The following ATP2B2 variants were observed in gnomAD, a reference collection of about 807,000 sequenced individuals.
The protein encoded by ATP2B2 is plasma membrane calcium-transporting ATPase 2.
A neutral mutation model predicts 120.0 loss-of-function variants in ATP2B2; 15 were observed. That is an observed-to-expected ratio of 0.12 (90% CI 0.08 to 0.19). The LOEUF (loss-of-function observed/expected upper bound fraction) is 0.19, where lower values mean the gene tolerates loss of function less well. ATP2B2 is among the 10% of genes least tolerant of loss of function. The pLI, the probability that ATP2B2 is intolerant of heterozygous loss-of-function variation, is 1.00. For missense variants in ATP2B2, 1,045 were observed against 1,719.8 expected, an observed-to-expected ratio of 0.61 and a Z score of 6.94; for synonymous variants, 694 against 700.3, an observed-to-expected ratio of 0.99 and a Z score of 0.14.
At chr3:10,603,593 G>C (rs528869221) in intron 2 of ATP2B2, among the ~76,000 whole-genome samples, 4 of 152,272 alleles carry the variant, frequency 2.6e-5, no homozygotes, top group African/African-American at 9.6e-5. Context: ...TGATAACAGA[G>C]TTCAGACTTA....
At chr3:10,597,045 G>A (rs527943390) in intron 2 of ATP2B2, among the ~76,000 whole-genome samples, 8 of 119,936 alleles carry the variant, frequency 6.7e-5, no homozygotes, top group Admixed American at 6.2e-4. Flanking sequence ...ACACACACAG[G>A]TGCGCACACA....
intron 2 of ATP2B2, among the ~76,000 whole-genome samples, chr3:10,443,505 G>A (rs2063736023): frequency 1.3e-5 from 2 of 152,180 alleles, no homozygotes; most frequent in South Asian, 2.1e-4. Flanking sequence ...TATGAGGAAA[G>A]GCCTGGCTGC....
chr3:10,707,193 A>T (rs1471561173), intron 1 of ATP2B2, among the ~76,000 whole-genome samples: 2 of 152,116 alleles, frequency 1.3e-5, no homozygotes, highest in Admixed American at 6.5e-5. Flanking sequence ...CTGAAAAATC[A>T]CGCTGTGGAT....
chr3:10,338,243 T>A lies in ATP2B2; in HGVS notation c.3353A>T (p.His1118Leu), dbSNP rs1247509549. The change falls in exon 22 of 23, where the codon CAC (histidine) becomes CTC (leucine). Residue 1118 changes from histidine to leucine, a missense_variant. Physicochemically the swap from His to Leu is moderately conservative, Grantham distance 99 (BLOSUM62 -3). This residue lies in a region of ATP2B2 where 211 missense variants were observed against 385.1 expected (regional missense o/e 0.55). Transcript: ENST00000360273. The part of the protein sequence containing the change: ...ELNEDVEEID[H>L]AERELRRGQI... ...GCCCCGCCGCAGCTCCCGCTCCGCGTGGTCGATCTCCTCCACGTCCTCGTT... is the reference window on the plus strand; with the variant it reads ...GCCCCGCCGCAGCTCCCGCTCCGCGAGGTCGATCTCCTCCACGTCCTCGTT... 1.2e-6 allele frequency: 2 copies of A among 1,614,186 alleles called. No individual in the cohort carries two copies. The highest frequency in any genetic ancestry group is 1.7e-6 in the Non-Finnish European group (2 of 1,180,032).
intron 11 of ATP2B2, among the ~76,000 whole-genome samples, chr3:10,373,170 C>T (rs1160355190): frequency 6.6e-6 from 1 of 152,162 alleles, no homozygotes; most frequent in Non-Finnish European, 1.5e-5. Context: ...GTTTGCAAAG[C>T]CTTGTTGTGA....
intron 1 of ATP2B2, among the ~76,000 whole-genome samples, chr3:10,699,685 T>C (rs1376703142): frequency 6.6e-6 from 1 of 152,176 alleles, no homozygotes; most frequent in Admixed American, 6.5e-5. Context: ...AATGCAACAG[T>C]GTTGAAAGGT....
At chr3:10,406,092 G>C (rs1299792992) in intron 3 of ATP2B2, among the ~76,000 whole-genome samples, 2 of 152,214 alleles carry the variant, frequency 1.3e-5, no homozygotes, top group Non-Finnish European at 2.9e-5. Flanking sequence ...TCTCAGTGAT[G>C]AGTATGAGAT....
At chr3:10,337,539 G>A (rs1273083169) in intron 22 of ATP2B2, among the ~76,000 whole-genome samples, 1 of 152,164 alleles carries the variant, frequency 6.6e-6, no homozygotes, top group East Asian at 1.9e-4. Flanking sequence ...TGTGTCGTGT[G>A]CCACGTGGCA....
intron 2 of ATP2B2, among the ~76,000 whole-genome samples, chr3:10,567,769 A>C (rs2068040491): frequency 6.6e-6 from 1 of 152,172 alleles, no homozygotes; most frequent in Non-Finnish European, 1.5e-5. Context: ...GTGGTGATGG[A>C]AAACAATACC....
At chr3:10,470,186 T>C (rs2064923713) in intron 1 of ATP2B2, among the ~76,000 whole-genome samples, 1 of 152,082 alleles carries the variant, frequency 6.6e-6, no homozygotes, top group South Asian at 2.1e-4. Context: ...GAAATAGCAG[T>C]TCGGAAAGTG....
intron 2 of ATP2B2, among the ~76,000 whole-genome samples, chr3:10,423,889 C>T (rs992507377): frequency 1.3e-5 from 2 of 152,182 alleles, no homozygotes; most frequent in African/African-American, 4.8e-5. Flanking sequence ...AAAGAAAGTG[C>T]AAAGGGCAGT....
intron 11 of ATP2B2, among the ~76,000 whole-genome samples, chr3:10,373,377 A>G (rs1218710483): frequency 1.3e-5 from 2 of 152,032 alleles, no homozygotes; most frequent in Non-Finnish European, 2.9e-5. Flanking sequence ...GCCCACCTGT[A>G]CTCTTTGAAG....
chr3:10,562,561 C>A (rs2067926715), intron 2 of ATP2B2, among the ~76,000 whole-genome samples: 1 of 152,248 alleles, frequency 6.6e-6, no homozygotes, highest in South Asian at 2.1e-4. Flanking sequence ...TTCCCTGACC[C>A]CTCACCTCCA....
At chr3:10,675,995 G>A (rs959859375) in intron 1 of ATP2B2, among the ~76,000 whole-genome samples, 8 of 152,290 alleles carry the variant, frequency 5.3e-5, no homozygotes, top group Middle Eastern at 3.4e-3. Flanking sequence ...TTTGTGATTG[G>A]ATTACAATTT....
intron 1 of ATP2B2, among the ~76,000 whole-genome samples, chr3:10,627,874 A>C (rs1035709046): frequency 3.9e-5 from 6 of 152,192 alleles, no homozygotes; most frequent in African/African-American, 1.4e-4. Context: ...CACCTGAGAT[A>C]GGTTCTGTAA....
At chr3:10,537,668 A>G (rs1387860741) in intron 2 of ATP2B2, among the ~76,000 whole-genome samples, 1 of 152,028 alleles carries the variant, frequency 6.6e-6, no homozygotes, top group Non-Finnish European at 1.5e-5. Flanking sequence ...GAATTTGTAT[A>G]TGTTTTCTTG....
chr3:10,629,509 G>A (rs903759967), intron 1 of ATP2B2, among the ~76,000 whole-genome samples: 1 of 152,192 alleles, frequency 6.6e-6, no homozygotes, highest in South Asian at 2.1e-4. Context: ...ATGCCTCTCC[G>A]GTGCTTGGGA....
chr3:10,551,238 G>C (rs1441218803), intron 2 of ATP2B2, among the ~76,000 whole-genome samples: 1 of 152,234 alleles, frequency 6.6e-6, no homozygotes, highest in Non-Finnish European at 1.5e-5. Flanking sequence ...GGGACAGTTA[G>C]AGTACCTGAT....
chr3:10,616,267 G>A (rs1198631718), intron 2 of ATP2B2, among the ~76,000 whole-genome samples: 1 of 152,192 alleles, frequency 6.6e-6, no homozygotes, highest in African/African-American at 2.4e-5. Context: ...AGTCGTTAGG[G>A]TGGGCCCTTA....
Sources: allele counts gnomAD v4.1 joint callset (sites outside exome capture counted in the v4.1 genomes callset), GRCh38; gene constraint gnomAD v4.1.1; regional missense constraint gnomAD v4.1.1; transcripts MANE v1.5; gene names NCBI Gene and HGNC (gene_info 2026-07-23, HGNC 2026-07-21).